DGKB: variants seen among roughly 807,000 people sequenced by gnomAD.
DGKB encodes diacylglycerol kinase beta.
DGKB carries 67 observed loss-of-function variants against 114.3 expected under a neutral mutation model. The ratio of observed to expected loss-of-function variants is 0.59; its 90% CI spans 0.48 to 0.72. DGKB has a LOEUF of 0.72. Among genes scored for constraint, DGKB ranks in the 30% least tolerant of loss-of-function variants. The probability of loss-of-function intolerance (pLI) is 0.00; values close to 1 mark genes in which losing one functional copy is unlikely to be tolerated. For missense variants in DGKB, 907 were observed against 975.2 expected (o/e 0.93, Z 0.93); for synonymous variants, 398 against 323.1 (o/e 1.23, Z -2.49).
chr7:14,603,598 C>T (rs1803960433), intron 17 of DGKB, among the ~76,000 whole-genome samples: 2 of 151,984 alleles, frequency 1.3e-5, no homozygotes, highest in Admixed American at 6.6e-5. Flanking sequence ...CAAAGTTTCA[C>T]TATGAAATAT....
chr7:14,408,481 C>A (rs1175869990), intron 21 of DGKB, among the ~76,000 whole-genome samples: 1 of 152,044 alleles, frequency 6.6e-6, no homozygotes, highest in East Asian at 1.9e-4. Context: ...TTAATGCTAC[C>A]TGATTGTAGG....
In DGKB at chr7:14,313,773, G is replaced by A. The variant is rs891308736; in HGVS notation, c.2122+24742C>T. Among the ~76,000 whole-genome samples the A allele has an allele frequency of 7.3e-4, 111 of 152,308 alleles. 1 individual carries two copies. The highest frequency in any genetic ancestry group is 1.6e-3 in the Admixed American group (25 of 15,298). On this transcript the variant is annotated intron_variant, in intron 23 of 25. Transcript: ENST00000402815. ...AGCCTGGAAGCTCCAACTGGGTGGA[G>A]CCCACCACAGCTCAAGGAGGCCTGC...
intron 2 of DGKB, among the ~76,000 whole-genome samples, chr7:14,820,238 A>T (rs1435210475): frequency 6.6e-6 from 1 of 152,160 alleles, no homozygotes; most frequent in Non-Finnish European, 1.5e-5. Flanking sequence ...ACCAAATTTA[A>T]ATTCATGTTT....
intron 2 of DGKB, among the ~76,000 whole-genome samples, chr7:14,811,265 T>C (rs117426375): frequency 2.6e-5 from 4 of 152,098 alleles, no homozygotes; most frequent in Admixed American, 6.6e-5. Flanking sequence ...TGGAGTGCAG[T>C]GGTGTGATTA....
chr7:14,701,098 G>T (rs376719275), intron 7 of DGKB, among the ~76,000 whole-genome samples: 2 of 128,002 alleles, frequency 1.6e-5, no homozygotes, highest in African/African-American at 2.5e-5. Context: ...ATCATATAAA[G>T]ATGGTATTTT....
intron 1 of DGKB, among the ~76,000 whole-genome samples, chr7:14,924,134 G>A (rs949860039): frequency 6.6e-6 from 1 of 151,800 alleles, no homozygotes; most frequent in Admixed American, 6.6e-5. Flanking sequence ...TTAGTTTCTT[G>A]GTTTTGTGGA....
intron 21 of DGKB, among the ~76,000 whole-genome samples, chr7:14,352,420 C>T (rs1460358393): frequency 6.6e-6 from 1 of 152,096 alleles, no homozygotes; most frequent in Admixed American, 6.6e-5. Flanking sequence ...CTCTAGTTCT[C>T]TATTTGTATT....
At chr7:14,731,090 TAAA>T (rs1251281612) in intron 5 of DGKB, among the ~76,000 whole-genome samples, 1 of 152,194 alleles carries the variant, frequency 6.6e-6, no homozygotes, top group Non-Finnish European at 1.5e-5. Context: ...TGTGATTAAC[TAAA>T]TATGGGAAGT....
chr7:14,422,811 TA>T (rs1431021636), intron 21 of DGKB, among the ~76,000 whole-genome samples: 1 of 151,988 alleles, frequency 6.6e-6, no homozygotes, highest in Non-Finnish European at 1.5e-5. Flanking sequence ...ATAGTAGTAG[TA>T]ATAAGAAATA....
At chr7:14,226,774 A>G (rs543077755) in intron 23 of DGKB, among the ~76,000 whole-genome samples, 1 of 152,218 alleles carries the variant, frequency 6.6e-6, no homozygotes, top group South Asian at 2.1e-4. Flanking sequence ...AATCAATTAT[A>G]TAACACATAT....
At chr7:14,959,729 G>T (rs2115265311) in intron 1 of DGKB, among the ~76,000 whole-genome samples, 1 of 150,108 alleles carries the variant, frequency 6.7e-6, no homozygotes, top group East Asian at 2.0e-4. Context: ...AGAAGTGAGT[G>T]AAAAGCTCTA....
At chr7:14,548,160 C>T (rs1720955751) in intron 20 of DGKB, among the ~76,000 whole-genome samples, 1 of 152,148 alleles carries the variant, frequency 6.6e-6, no homozygotes, top group Non-Finnish European at 1.5e-5. Context: ...GCTTTGAATA[C>T]TGTAGAATAT....
chr7:14,471,825 C>T (rs1269444828), intron 21 of DGKB, among the ~76,000 whole-genome samples: 2 of 151,872 alleles, frequency 1.3e-5, no homozygotes, highest in Non-Finnish European at 2.9e-5. Flanking sequence ...TAGTAAATAA[C>T]TTACAGAATA....
chr7:14,374,664 G>A (rs1165830823), intron 21 of DGKB, among the ~76,000 whole-genome samples: 1 of 152,078 alleles, frequency 6.6e-6, no homozygotes, highest in East Asian at 1.9e-4. Flanking sequence ...AGAGCTAGTC[G>A]CATGAGTCTC....
chr7:14,200,465 C>T (rs1208955045), intron 23 of DGKB, among the ~76,000 whole-genome samples: 6 of 152,200 alleles, frequency 3.9e-5, no homozygotes, highest in African/African-American at 1.4e-4. Flanking sequence ...CTCATTTTTA[C>T]ACAGGTGTTA....
At chr7:14,924,870 C>T (rs1030040985) in intron 1 of DGKB, among the ~76,000 whole-genome samples, 9 of 152,210 alleles carry the variant, frequency 5.9e-5, no homozygotes, top group East Asian at 3.9e-4. Flanking sequence ...TATATACTTA[C>T]GGGGATTCCT....
intron 1 of DGKB, among the ~76,000 whole-genome samples, chr7:14,942,406 T>G (rs969300238): frequency 6.6e-6 from 1 of 152,006 alleles, no homozygotes; most frequent in Non-Finnish European, 1.5e-5. Flanking sequence ...TCCTGTTCAT[T>G]TACATTATTA....
intron 20 of DGKB, among the ~76,000 whole-genome samples, chr7:14,543,837 CA>C (rs1251339552): frequency 1.3e-5 from 2 of 152,150 alleles, no homozygotes; most frequent in African/African-American, 4.8e-5. Context: ...CTTTTCCAGA[CA>C]CCTGCATACA....
intron 25 of DGKB, among the ~76,000 whole-genome samples, chr7:14,174,441 T>C (rs1389797695): frequency 6.6e-6 from 1 of 152,208 alleles, no homozygotes; most frequent in Admixed American, 6.5e-5. Context: ...ACCATAGCTG[T>C]GACCGCTTCT....
Sources: allele counts gnomAD v4.1 joint callset (sites outside exome capture counted in the v4.1 genomes callset), GRCh38; gene constraint gnomAD v4.1.1; transcripts MANE v1.5; gene names NCBI Gene and HGNC (gene_info 2026-07-23, HGNC 2026-07-21).